PIGK: variants seen among roughly 807,000 people sequenced by gnomAD.
The protein encoded by PIGK is phosphatidylinositol glycan anchor biosynthesis class K, also known as GPI-anchor transamidase.
A neutral mutation model predicts 50.6 loss-of-function variants in PIGK; 42 were observed. The observed-to-expected ratio is 0.83, with a 90% CI of 0.65 to 1.07. The LOEUF (loss-of-function observed/expected upper bound fraction) is 1.07, where lower values mean the gene tolerates loss of function less well. PIGK is among the 50% of genes least tolerant of loss of function. PIGK has a pLI of 0.00. For synonymous variants in PIGK, 151 were observed against 156.0 expected, an observed-to-expected ratio of 0.97 and a Z score of 0.24; for missense variants, 448 against 488.7, an observed-to-expected ratio of 0.92 and a Z score of 0.78.
intron 9 of PIGK, among the ~76,000 whole-genome samples, chr1:77,143,152 C>T (rs1298215991): frequency 6.6e-6 from 1 of 152,114 alleles, no homozygotes; most frequent in Non-Finnish European, 1.5e-5. Flanking sequence ...AAATGGAATA[C>T]ACTTTCCCCA....
chr1:77,116,599 C>T (rs373453221), intron 10 of PIGK, among the ~76,000 whole-genome samples: 196 of 95,588 alleles, frequency 2.1e-3, no homozygotes, highest in African/African-American at 8.3e-3. Context: ...TGTGTGTGCG[C>T]GTGTGTGTGT....
rs749423746 is a variant in PIGK, at chr1:77,130,297, C to CAAAAAAAAAA, written c.987-7948_987-7939dup. ...TGTGACACCTTTCCCTACTCCTAAG[C>CAAAAAAAAAA]AAAAAAAAAAAAAAAAAAAAAAAAA... is the stretch of plus-strand genomic sequence containing the variant. On this transcript the variant is annotated intron_variant, in intron 9 of 10. Transcript: ENST00000370812. Among the ~76,000 whole-genome samples the CAAAAAAAAAA allele has an allele frequency of 2.7e-4, 11 of 41,496 alleles. 1 individual carries two copies. The highest frequency in any genetic ancestry group is 1.6e-3 in the South Asian group (1 of 640). 27.2% of individuals were successfully genotyped at this position (41,496 alleles called of 152,430 possible).
At chr1:77,210,570 A>T (rs896355831) in intron 1 of PIGK, 81 bp from the exon 2 acceptor site, 7 of 769,994 alleles carry the variant, frequency 9.1e-6, no homozygotes, top group Admixed American at 2.7e-5. Flanking sequence ...AGACTCGTGT[A>T]GTTTTTACAG....
At chr1:77,157,288 T>C (rs1309753524) in intron 8 of PIGK, among the ~76,000 whole-genome samples, 2 of 152,130 alleles carry the variant, frequency 1.3e-5, no homozygotes, top group African/African-American at 4.8e-5. Context: ...ATCATTCTTA[T>C]TGAATAAGAT....
At chr1:77,194,349 T>C (rs983115667) in intron 3 of PIGK, among the ~76,000 whole-genome samples, 3 of 151,906 alleles carry the variant, frequency 2.0e-5, no homozygotes, top group Admixed American at 6.6e-5. Context: ...TAAGTCATTC[T>C]ACTTTGCTGT....
chr1:77,215,623 A>G (rs139274836), intron 1 of PIGK, among the ~76,000 whole-genome samples: 3 of 152,254 alleles, frequency 2.0e-5, no homozygotes, highest in African/African-American at 7.2e-5. Context: ...TACACTCCAT[A>G]TTTATTGCAG....
chr1:77,139,956 G>T (rs1198805333), intron 9 of PIGK, among the ~76,000 whole-genome samples: 1 of 152,024 alleles, frequency 6.6e-6, no homozygotes, highest in Non-Finnish European at 1.5e-5. Context: ...ATATTACAGG[G>T]TGTTCTTTTA....
At chr1:77,112,314 T>C (rs758756724) in intron 10 of PIGK, among the ~76,000 whole-genome samples, 3 of 151,804 alleles carry the variant, frequency 2.0e-5, no homozygotes, top group Non-Finnish European at 2.9e-5. Flanking sequence ...GTTACATTAT[T>C]TCAATCAGCT....
intron 3 of PIGK, among the ~76,000 whole-genome samples, chr1:77,179,297 T>G (rs915391439): frequency 6.6e-6 from 1 of 152,140 alleles, no homozygotes; most frequent in African/African-American, 2.4e-5. Flanking sequence ...TCTCTCAAAA[T>G]TGAGAAAATA....
intron 10 of PIGK, among the ~76,000 whole-genome samples, chr1:77,105,585 C>A (rs1653651438): frequency 6.6e-6 from 1 of 151,858 alleles, no homozygotes; most frequent in Admixed American, 6.6e-5. Context: ...CACAAAGGGA[C>A]AGCTTAATCA....
intron 3 of PIGK, chr1:77,194,826 C>A: frequency 2.7e-6 from 1 of 367,654 alleles, no homozygotes; most frequent in Non-Finnish European, 5.2e-6. Flanking sequence ...GACTCAGTGA[C>A]CAGGTCATCA....
chr1:77,139,841 G>A (rs1654608869), intron 9 of PIGK, among the ~76,000 whole-genome samples: 1 of 152,094 alleles, frequency 6.6e-6, no homozygotes, highest in Non-Finnish European at 1.5e-5. Context: ...CATTACAAAA[G>A]TGAAGTCAAT....
chr1:77,202,009 G>C (rs1199512936), intron 3 of PIGK, among the ~76,000 whole-genome samples: 3 of 150,666 alleles, frequency 2.0e-5, no homozygotes, highest in African/African-American at 7.4e-5. Context: ...AGTGAGCCGT[G>C]TTTGTGTCAC....
chr1:77,175,021 A>G (rs922578683), intron 3 of PIGK, among the ~76,000 whole-genome samples: 6 of 152,212 alleles, frequency 3.9e-5, no homozygotes, highest in African/African-American at 1.2e-4. Context: ...CTTAAATCAA[A>G]TATTTGAAAG....
intron 9 of PIGK, among the ~76,000 whole-genome samples, chr1:77,142,224 T>C (rs979790712): frequency 2.0e-5 from 3 of 152,180 alleles, no homozygotes; most frequent in Admixed American, 6.5e-5. Flanking sequence ...ATAGATGGCA[T>C]GGCTGATAAA....
chr1:77,104,428 G>A (rs1280250140), intron 10 of PIGK, among the ~76,000 whole-genome samples: 1 of 151,866 alleles, frequency 6.6e-6, no homozygotes, highest in Non-Finnish European at 1.5e-5. Context: ...CATTTCATAT[G>A]AAATAAAAAA....
At chr1:77,107,154 T>C (rs1653702977) in intron 10 of PIGK, among the ~76,000 whole-genome samples, 1 of 152,226 alleles carries the variant, frequency 6.6e-6, no homozygotes, top group African/African-American at 2.4e-5. Flanking sequence ...TTACTCTTGC[T>C]TCTCTAGTTC....
rs555782530 is a variant in PIGK, at chr1:77,167,152, G to A, written c.376-322C>T. On this transcript the variant is annotated intron_variant, in intron 4 of 10. Transcript: ENST00000370812. ...GGGCAGGAGTTCAAGATCAGCCTAAGCAACATAGTGAGACCCCATTTCTAT... is the reference window on the plus strand; with the variant it reads ...GGGCAGGAGTTCAAGATCAGCCTAAACAACATAGTGAGACCCCATTTCTAT... 5.9e-5 allele frequency among the ~76,000 whole-genome samples: 9 copies of A among 152,132 alleles called. No homozygotes were observed. In the South Asian group the frequency reaches 1.9e-3, roughly 32 times the overall value.
chr1:77,142,585 T>C (rs1481634199), intron 9 of PIGK, among the ~76,000 whole-genome samples: 1 of 152,128 alleles, frequency 6.6e-6, no homozygotes, highest in East Asian at 1.9e-4. Flanking sequence ...CACTTCCACA[T>C]GGCTGGGGAG....
Sources: gnomAD v4.1 joint callset for allele counts (sites outside exome capture counted in the v4.1 genomes callset) on GRCh38, gnomAD v4.1.1 for gene constraint, MANE v1.5 for transcripts, NCBI Gene and HGNC (gene_info 2026-07-23, HGNC 2026-07-21) for gene names.